PCBP2: variants seen among roughly 807,000 people sequenced by gnomAD.
PCBP2 encodes the protein poly(rC) binding protein 2.
Under a neutral mutation model 50.1 loss-of-function variants are expected in PCBP2, and 4 were observed. That is an observed-to-expected ratio of 0.08 (90% CI 0.04 to 0.18). The LOEUF is 0.18. Ranked by LOEUF, PCBP2 falls within the 10% of genes least tolerant of loss-of-function variation. PCBP2 has a pLI of 1.00. For synonymous variants in PCBP2, 179 were observed against 168.0 expected (o/e 1.07, Z -0.51); for missense variants, 161 against 474.3 (o/e 0.34, Z 6.14).
intron 6 of PCBP2, 83 bp from the exon 7 acceptor site, chr12:53,460,932 T>G (rs1214641642): frequency 4.8e-6 from 7 of 1,468,340 alleles, no homozygotes; most frequent in Non-Finnish European, 6.6e-6. Flanking sequence ...CTACTAGAGT[T>G]TTAGGCTCTG....
chr12:53,478,705 C>T (rs1942834596), intron 14 of PCBP2, among the ~76,000 whole-genome samples: 1 of 152,016 alleles, frequency 6.6e-6, no homozygotes. Context: ...CAGGTGGAGG[C>T]TGAGGCAAGA....
At chr12:53,467,716 C>A (rs1348964361) in intron 11 of PCBP2, 89 bp from the exon 12 acceptor site, 1 of 1,022,198 alleles carries the variant, frequency 9.8e-7, no homozygotes, top group Non-Finnish European at 1.5e-6. Flanking sequence ...TATTTTGTTT[C>A]GTTTTTGGGG....
At chr12:53,466,559 C>A (rs1941838805) in intron 10 of PCBP2, among the ~76,000 whole-genome samples, 1 of 152,126 alleles carries the variant, frequency 6.6e-6, no homozygotes, top group South Asian at 2.1e-4. Context: ...TTCTTTTATC[C>A]TTACTAACCT....
chr12:53,462,533 C>T lies in PCBP2; in HGVS notation c.545C>T (p.Pro182Leu). ...KGVTIPYRPK[P>L]SSSPVIFAGG... Reference sequence around the variant, plus strand: ...GTGACCATCCCGTACCGGCCCAAGCCGTCCAGCTCTCCGGTCATCTTTGCA... The same window carrying T: ...GTGACCATCCCGTACCGGCCCAAGCTGTCCAGCTCTCCGGTCATCTTTGCA... The change falls in exon 8 of 15, where the codon CCG (proline) becomes CTG (leucine). Residue 182 changes from proline to leucine, a missense_variant. Pro to Leu is a moderately conservative substitution (Grantham distance 98, BLOSUM62 -3). Coordinates refer to ENST00000546463, the MANE Select transcript of PCBP2 (RefSeq NM_031989.5). 6.2e-7 allele frequency: 1 copy of T among 1,613,666 alleles called. No individual in the cohort carries two copies. Among genetic ancestry groups the T allele is most frequent in the Non-Finnish European group, 8.5e-7 (1 of 1,179,652 alleles).
chr12:53,472,695 A>G (rs946795786), intron 14 of PCBP2, among the ~76,000 whole-genome samples: 1 of 152,200 alleles, frequency 6.6e-6, no homozygotes, highest in African/African-American at 2.4e-5. Flanking sequence ...AATCTAGTAC[A>G]GGGGAAAGGA....
chr12:53,452,572 G>C (rs917118492), intron 1 of PCBP2, among the ~76,000 whole-genome samples, 196 bp downstream of exon 1: 1 of 151,070 alleles, frequency 6.6e-6, no homozygotes, highest in Admixed American at 6.6e-5. Flanking sequence ...CCTCGCGCAA[G>C]GCCTATTCCC....
At chr12:53,461,756 C>G (rs1465702330) in intron 7 of PCBP2, among the ~76,000 whole-genome samples, 1 of 152,134 alleles carries the variant, frequency 6.6e-6, no homozygotes, top group Admixed American at 6.5e-5. Context: ...GTCACCCAGA[C>G]TGGAGTGCAG....
chr12:53,471,195 C>G (rs1180425159), intron 13 of PCBP2, among the ~76,000 whole-genome samples: 1 of 151,368 alleles, frequency 6.6e-6, no homozygotes, highest in Non-Finnish European at 1.5e-5. Flanking sequence ...ACAGGGAGCA[C>G]AGAGATACAG....
intron 6 of PCBP2, chr12:53,460,084 A>G (rs1941343821): frequency 4.3e-6 from 1 of 233,514 alleles, no homozygotes; most frequent in African/African-American, 2.3e-5. Context: ...TCTTGACCAG[A>G]CTTATAAACA....
chr12:53,459,439 C>A, intron 6 of PCBP2, 36 bp downstream of exon 6: 1 of 1,581,618 alleles, frequency 6.3e-7, no homozygotes. Flanking sequence ...GAAATGTTAA[C>A]TATTTGTTCC....
chr12:53,462,426 C>G, intron 7 of PCBP2, 67 bp from the exon 8 acceptor site: 1 of 1,309,690 alleles, frequency 7.6e-7, no homozygotes, highest in Non-Finnish European at 1.1e-6. Flanking sequence ...TGAGCTAAAG[C>G]CACACAGCTG....
chr12:53,479,925 A>ATTCCG lies in PCBP2; in HGVS notation c.*484_*488dup, dbSNP rs1188537395. On this transcript the variant is annotated 3_prime_UTR_variant, in exon 15 of 15. Transcript: ENST00000546463. ...TCTTGGGTTTTGAATGGAAGCCTTTATTCCGGTTAAGATGTTTTCTTCTAT... is the reference window on the plus strand; with the variant it reads ...TCTTGGGTTTTGAATGGAAGCCTTTATTCCGTTCCGGTTAAGATGTTTTCTTCTAT... The ATTCCG allele has an allele frequency of 6.6e-6, 1 of 152,162 alleles. No homozygotes were observed. The highest frequency in any genetic ancestry group is 1.9e-4 in the East Asian group (1 of 5,194). The allele number at this position is 152,162 out of a possible 1,614,324, so 9.4% of individuals were successfully genotyped here. A position where few individuals can be genotyped will look rare whatever the true frequency, so the allele number is the denominator to read the frequency against.
At chr12:53,475,737 T>A (rs954086720) in intron 14 of PCBP2, 5 of 152,302 alleles carry the variant, frequency 3.3e-5, no homozygotes, top group African/African-American at 9.7e-5. Flanking sequence ...ATAACTGACA[T>A]GGGCTTTTTG....
At chr12:53,456,620 A>G (rs1941038675) in intron 5 of PCBP2, among the ~76,000 whole-genome samples, 1 of 152,246 alleles carries the variant, frequency 6.6e-6, no homozygotes, top group Non-Finnish European at 1.5e-5. Flanking sequence ...CGTTATAAAC[A>G]CAAATAATCT....
At chr12:53,460,288 C>A in intron 6 of PCBP2, 1 of 291,146 alleles carries the variant, frequency 3.4e-6, no homozygotes. Flanking sequence ...CATAGGCGCG[C>A]TCCACAATGC....
At chr12:53,466,801 T>G (rs1211060376) in intron 10 of PCBP2, among the ~76,000 whole-genome samples, 2 of 152,052 alleles carry the variant, frequency 1.3e-5, no homozygotes, top group African/African-American at 2.4e-5. Flanking sequence ...CCCCCTCATC[T>G]CCTTCCCTCT....
At chr12:53,453,257 A>G (rs1208654932) in intron 1 of PCBP2, 4 of 151,384 alleles carry the variant, frequency 2.6e-5, no homozygotes, top group Admixed American at 2.6e-4. Context: ...ATATTTGTAA[A>G]GGGCTTCCTA....
chr12:53,467,310 G>A lies in PCBP2; in HGVS notation c.787+17G>A. 1 of 1,596,176 alleles carries A rather than the reference G, an allele frequency of 6.3e-7. No homozygotes were observed. Among genetic ancestry groups the A allele is most frequent in the South Asian group, 1.1e-5 (1 of 90,726 alleles). ...GATTCAGTGGTATGGATACCTCAGT[G>A]TTTATTTCTGTAAGGTGTAGTGCAA... On this transcript the variant is annotated intron_variant, in intron 11 of 14. Transcript: ENST00000546463.
rs1019846097 is a variant in PCBP2 at position 53,468,757 on chromosome 12, T to G, written c.827-20T>G. ...TTGAATGCTGTGCATTGAATTTGCT[T>G]GCTCTCTTCTGTCTTTTAGCAGGTT... On this transcript the variant is annotated intron_variant, in intron 12 of 14. Transcript: ENST00000546463. 1.2e-6 allele frequency: 2 copies of G among 1,602,288 alleles called. No individual in the cohort carries two copies. Among genetic ancestry groups the G allele is most frequent in the Non-Finnish European group, 1.7e-6 (2 of 1,169,506 alleles).
Sources: gnomAD v4.1 joint callset for allele counts (sites outside exome capture counted in the v4.1 genomes callset) on GRCh38, gnomAD v4.1.1 for gene constraint, MANE v1.5 for transcripts, NCBI Gene and HGNC (gene_info 2026-07-23, HGNC 2026-07-21) for gene names.